The following KLKB1 variants were observed in gnomAD, a reference collection of about 807,000 sequenced individuals.
KLKB1 encodes the protein plasma kallikrein.
A neutral mutation model predicts 73.6 loss-of-function variants in KLKB1; 58 were observed. That is an observed-to-expected ratio of 0.79 (90% confidence interval 0.64 to 0.98). KLKB1 has a LOEUF of 0.98. Ranked by LOEUF, KLKB1 falls within the 50% of genes least tolerant of loss-of-function variation. KLKB1 has a pLI of 0.00. For synonymous variants in KLKB1, 280 were observed against 258.1 expected (o/e 1.08, Z -0.81); for missense variants, 737 against 763.8 (o/e 0.96, Z 0.41).
intron 6 of KLKB1, among the ~76,000 whole-genome samples, chr4:186,246,939 CT>C (rs1738387077): frequency 6.6e-6 from 1 of 152,132 alleles, no homozygotes; most frequent in African/African-American, 2.4e-5. Flanking sequence ...TCTCCTCTGT[CT>C]CTACCAGAAA....
upstream of KLKB1, among the ~76,000 whole-genome samples, chr4:186,222,180 A>T (rs1579986983): frequency 6.6e-6 from 1 of 152,194 alleles, no homozygotes; most frequent in East Asian, 1.9e-4. Context: ...TCTTACAGGC[A>T]GCATATAGTT....
chr4:186,254,587 G>A lies in KLKB1; in HGVS notation c.1314-1G>A. ...AACAGGTATTTATTTTTCTCTCCTAGGCTTCCCCTGCAGGATGTTTGGCGC... is the reference window on the plus strand; with the variant it reads ...AACAGGTATTTATTTTTCTCTCCTAAGCTTCCCCTGCAGGATGTTTGGCGC... On this transcript the variant is annotated splice_acceptor_variant, in intron 11 of 14. Coordinates refer to ENST00000264690, the MANE Select transcript of KLKB1 (RefSeq NM_000892.5). LOFTEE classifies it high-confidence loss of function. The A allele has an allele frequency of 1.2e-6, 2 of 1,613,554 alleles. No individual in the cohort carries two copies. Among genetic ancestry groups the A allele is most frequent in the Non-Finnish European group, 1.7e-6 (2 of 1,179,514 alleles).
Position 186,251,539 on chromosome 4 carries a change from G to C in KLKB1, c.921G>C (p.Leu307Phe). 2 of 1,614,050 alleles carry C rather than the reference G, an allele frequency of 1.2e-6. No homozygotes were observed. Among genetic ancestry groups the C allele is most frequent in the Non-Finnish European group, 1.7e-6 (2 of 1,179,942 alleles). ...GAGTTGACTTTGGAGGAGAAGAATTGAATGTGACTTTTGTTAAAGGAGTGA... is the reference window on the plus strand; with the variant it reads ...GAGTTGACTTTGGAGGAGAAGAATTCAATGTGACTTTTGTTAAAGGAGTGA... Reference protein sequence around the residue: ...YPGVDFGGEELNVTFVKGVNV... With the variant: ...YPGVDFGGEEFNVTFVKGVNV... The change falls in exon 9 of 15, where the codon TTG becomes TTC. Residue 307 changes from leucine (L) to phenylalanine (F), a missense_variant. Physicochemically the swap from Leu to Phe is conservative, Grantham distance 22. Coordinates refer to ENST00000264690, the MANE Select transcript of KLKB1 (RefSeq NM_000892.5).
chr4:186,228,111 A>C, intron 1 of KLKB1, 84 bp from the exon 2 acceptor site: 1 of 821,750 alleles, frequency 1.2e-6, no homozygotes, highest in Non-Finnish European at 2.1e-6. Flanking sequence ...AGACATTTAC[A>C]AGAAAATCTA....
intron 13 of KLKB1, 133 bp from the exon 14 acceptor site, chr4:186,257,093 C>G (rs1739041874): frequency 1.6e-5 from 8 of 505,624 alleles, no homozygotes; most frequent in Admixed American, 1.1e-4. Flanking sequence ...AAATACACTG[C>G]TCTGATTCAC....
intron 6 of KLKB1, 152 bp from the exon 7 acceptor site, chr4:186,250,091 T>G: frequency 1.2e-6 from 1 of 844,424 alleles, no homozygotes; most frequent in Non-Finnish European, 2.0e-6. Flanking sequence ...GGCAAACAGT[T>G]TGGAGATACT....
Position 186,258,011 on chromosome 4 carries a change from T to C in KLKB1, c.1726-10T>C. 6.2e-7 allele frequency: 1 copy of C among 1,613,462 alleles called. No homozygotes were observed. The highest frequency in any genetic ancestry group is 2.2e-5 in the East Asian group (1 of 44,886). ...ACTTTCTACTATTTTATTTTTCCAC[T>C]GTGACTCAGGGAGATTCAGGTGGTC... is the stretch of plus-strand genomic sequence containing the variant. On this transcript the variant is annotated splice_polypyrimidine_tract_variant and intron_variant, in intron 14 of 14. Coordinates refer to ENST00000264690, the MANE Select transcript of KLKB1 (RefSeq NM_000892.5).
chr4:186,248,612 T>G (rs1177865564), intron 6 of KLKB1, among the ~76,000 whole-genome samples: 1 of 151,458 alleles, frequency 6.6e-6, no homozygotes, highest in South Asian at 2.1e-4. Context: ...TTTTTTTTTT[T>G]TTGCCTCTTA....
chr4:186,241,961 T>A (rs1237035587), intron 6 of KLKB1, among the ~76,000 whole-genome samples: 1 of 152,220 alleles, frequency 6.6e-6, no homozygotes, highest in Non-Finnish European at 1.5e-5. Flanking sequence ...TTTAATGTCA[T>A]GTGCGTCCGT....
Position 186,251,815 on chromosome 4 carries a change from G to A in KLKB1, c.1098G>A (p.Gly366=), listed in dbSNP as rs139190582. Residue 366 remains glycine, a synonymous_variant, in exon 10 of 15, where the codon GGG becomes GGA. Transcript: ENST00000264690. ...SPTRIAYGTQ[G]SSGYSLRLCN... is the part of the protein sequence containing the mutation. ...CTAGGATTGCGTATGGGACACAAGG[G>A]AGCTCTGGTTACTCTTTGAGATTGT... is the stretch of plus-strand genomic sequence containing the variant. 1.9e-4 allele frequency: 309 copies of A among 1,613,892 alleles called. 1 individual carries two copies. Among genetic ancestry groups the A allele is most frequent in the Non-Finnish European group, 2.5e-4 (296 of 1,179,968 alleles).
At chr4:186,215,357 T>TTTCC (rs10533093) in intron 2 of KLKB1, among the ~76,000 whole-genome samples, 3 of 138,890 alleles carry the variant, frequency 2.2e-5, no homozygotes, top group Non-Finnish European at 3.1e-5. Context: ...TCCTTCTTTC[T>TTTCC]TTCCTTCCTT....
In KLKB1 at chr4:186,236,921, T is replaced by C; in HGVS notation, c.469T>C (p.Phe157Leu). The C allele has an allele frequency of 1.2e-6, 2 of 1,614,064 alleles. No homozygotes were observed. Among genetic ancestry groups the C allele is most frequent in the Non-Finnish European group, 1.7e-6 (2 of 1,180,002 alleles). Residue 157 changes from phenylalanine (F) to leucine (L), a missense_variant, in exon 5 of 15, where the codon TTT (phenylalanine) becomes CTT (leucine). Phe to Leu is a conservative substitution (Grantham distance 22, BLOSUM62 0). Coordinates refer to ENST00000264690, the MANE Select transcript of KLKB1 (RefSeq NM_000892.5). ...GTTTTTTTCATATGCCACGCAAACATTTCACAAGGCAGAGTACCGGTGAGT... is the reference window on the plus strand; with the variant it reads ...GTTTTTTTCATATGCCACGCAAACACTTCACAAGGCAGAGTACCGGTGAGT... ...CQFFSYATQTFHKAEYRNNCL... is the reference protein window; with the variant it reads ...CQFFSYATQTLHKAEYRNNCL...
At chr4:186,231,064 T>A (rs1211062645) in intron 2 of KLKB1, among the ~76,000 whole-genome samples, 1 of 152,138 alleles carries the variant, frequency 6.6e-6, no homozygotes, top group African/African-American at 2.4e-5. Flanking sequence ...ATAATGGGGC[T>A]CAGGGCCAAA....
intron 6 of KLKB1, among the ~76,000 whole-genome samples, chr4:186,244,889 T>C (rs1296455577): frequency 6.6e-6 from 1 of 151,950 alleles, no homozygotes; most frequent in African/African-American, 2.4e-5. Flanking sequence ...GTGATTAGGT[T>C]TTAATGGGAT....
chr4:186,245,202 T>G (rs577889418), intron 6 of KLKB1, among the ~76,000 whole-genome samples: 1 of 152,264 alleles, frequency 6.6e-6, no homozygotes, highest in East Asian at 1.9e-4. Context: ...GGTCAATACC[T>G]ACAACAGTTA....
intron 7 of KLKB1, 148 bp downstream of exon 7, chr4:186,250,550 G>T: frequency 1.2e-6 from 1 of 835,922 alleles, no homozygotes; most frequent in Non-Finnish European, 2.0e-6. Flanking sequence ...AGTAGGTACT[G>T]TTCTGCCAGG....
In KLKB1 at chr4:186,254,671, TAA is replaced by T; in HGVS notation, c.1400_1401del (p.Lys467ArgfsTer9). 1 of 1,613,452 alleles carries T rather than the reference TAA, an allele frequency of 6.2e-7. No homozygotes were observed. Among genetic ancestry groups the T allele is most frequent in the South Asian group, 1.1e-5 (1 of 91,060 alleles). On this transcript the variant is annotated frameshift_variant, in exon 12 of 15. Transcript: ENST00000264690. LOFTEE classifies it high-confidence loss of function. ...ACAAAAGATACACCTTTCTCACAAATAAAAGAGATTATTATTCACCAAAACTA... is the reference window on the plus strand; with the variant it reads ...ACAAAAGATACACCTTTCTCACAAATAAGAGATTATTATTCACCAAAACTA...
At chr4:186,228,304 C>A in intron 2 of KLKB1, 51 bp downstream of exon 2, 1 of 1,181,948 alleles carries the variant, frequency 8.5e-7, no homozygotes, top group Non-Finnish European at 1.3e-6. Context: ...CAGGAGTAGC[C>A]AAGCAAGTGG....
At chr4:186,235,465 C>T (rs1369712543) in intron 4 of KLKB1, among the ~76,000 whole-genome samples, 1 of 152,056 alleles carries the variant, frequency 6.6e-6, no homozygotes, top group African/African-American at 2.4e-5. Context: ...TTGTAAGAGT[C>T]GCATCCCAAC....
Sources: gnomAD v4.1 joint callset for allele counts (sites outside exome capture counted in the v4.1 genomes callset) on GRCh38, gnomAD v4.1.1 for gene constraint, MANE v1.5 for transcripts, NCBI Gene and HGNC (gene_info 2026-07-23, HGNC 2026-07-21) for gene names.